The following PLGRKT variants were observed in gnomAD, a reference collection of about 807,000 sequenced individuals.
PLGRKT encodes the protein plasminogen receptor (KT).
A neutral mutation model predicts 18.5 loss-of-function variants in PLGRKT; 22 were observed. The observed-to-expected ratio is 1.19, with a 90% CI of 0.85 to 1.70. The LOEUF is 1.70. Ranked by LOEUF, PLGRKT falls within the 40% of genes most tolerant of loss-of-function variation. The pLI, the probability that PLGRKT is intolerant of heterozygous loss-of-function variation, is 0.00. For missense variants in PLGRKT, 235 were observed against 174.4 expected, an observed-to-expected ratio of 1.35 and a Z score of -1.96; for synonymous variants, 72 against 52.8, an observed-to-expected ratio of 1.36 and a Z score of -1.58.
chr9:5,381,114 C>G (rs1817735966), intron 3 of PLGRKT, among the ~76,000 whole-genome samples: 2 of 152,212 alleles, frequency 1.3e-5, no homozygotes. Context: ...AAACCTCTTT[C>G]CTTTTTAAAT....
At chr9:5,390,430 C>CA (rs930692097) in intron 3 of PLGRKT, among the ~76,000 whole-genome samples, 3 of 151,582 alleles carry the variant, frequency 2.0e-5, no homozygotes, top group African/African-American at 7.3e-5. Context: ...CAGAGAGAGT[C>CA]AAAGAGGCAG....
intron 3 of PLGRKT, among the ~76,000 whole-genome samples, chr9:5,408,482 G>A (rs780113255): frequency 6.6e-6 from 1 of 152,254 alleles, no homozygotes; most frequent in Non-Finnish European, 1.5e-5. Flanking sequence ...AAACATTTGA[G>A]ATGTAGACTG....
chr9:5,397,106 T>C (rs1321395289), intron 3 of PLGRKT, among the ~76,000 whole-genome samples: 1 of 151,974 alleles, frequency 6.6e-6, no homozygotes, highest in East Asian at 1.9e-4. Context: ...AATATTTTAG[T>C]GGTAAGTATG....
rs191451301 is a variant in PLGRKT at position 5,402,988 on chromosome 9, G to C, written c.81+28909C>G. On this transcript the variant is annotated intron_variant, in intron 3 of 5. Coordinates refer to ENST00000223864, the MANE Select transcript of PLGRKT (RefSeq NM_018465.4). The stretch of plus-strand genomic sequence containing the variant: ...GTAAAATAAAGAAACTTATAGAACA[G>C]ACCAAACCCTAGCAGGAAAAATAGT... Among the ~76,000 whole-genome samples, 40 of 151,952 alleles carry C rather than the reference G, an allele frequency of 2.6e-4. No individual in the cohort carries two copies. The East Asian group carries it at 6.8e-3, about 26-fold the overall frequency.
At chr9:5,401,504 G>C (rs1041850567) in intron 3 of PLGRKT, among the ~76,000 whole-genome samples, 19 of 151,854 alleles carry the variant, frequency 1.3e-4, no homozygotes, top group Non-Finnish European at 2.2e-4. Context: ...CTGTAACCCA[G>C]AGAAAGATTA....
At chr9:5,383,048 T>C (rs1430380440) in intron 3 of PLGRKT, among the ~76,000 whole-genome samples, 5 of 152,284 alleles carry the variant, frequency 3.3e-5, no homozygotes, top group African/African-American at 1.2e-4. Context: ...TCACTTTAGA[T>C]CACCCAAGTG....
At position 5,432,487 on chromosome 9, in the gene PLGRKT, C is replaced by T. The variant is rs116744308; in HGVS notation, c.-6-504G>A. Among the ~76,000 whole-genome samples, 823 of 152,118 alleles carry T rather than the reference C, an allele frequency of 5.4e-3. 11 individuals carry two copies. Among genetic ancestry groups the T allele is most frequent in the African/African-American group, 0.019 (800 of 41,488 alleles). On this transcript the variant is annotated intron_variant, in intron 2 of 5. Transcript: ENST00000223864. ...ATTTGCGTTTTAAGAAGATTGAGCT[C>T]TCCCTCTCCCTCCCCCTCCCCCTCC...
At chr9:5,400,645 C>A (rs538617067) in intron 3 of PLGRKT, among the ~76,000 whole-genome samples, 1 of 151,866 alleles carries the variant, frequency 6.6e-6, no homozygotes, top group African/African-American at 2.4e-5. Context: ...TTTGAACCAC[C>A]AGAACATATA....
rs1818497513 is a variant in PLGRKT, at chr9:5,418,036, G to A, written c.81+13861C>T. 6.6e-6 allele frequency among the ~76,000 whole-genome samples: 1 copy of A among 152,188 alleles called. No homozygotes were observed. The highest frequency in any genetic ancestry group is 2.4e-5 in the African/African-American group (1 of 41,450). Reference sequence around the variant, plus strand: ...CGAGAAGATCACATTGTACGCACTTGTGGAGTTTAACGTCTAAGTAGAATA... The same window carrying A: ...CGAGAAGATCACATTGTACGCACTTATGGAGTTTAACGTCTAAGTAGAATA... On this transcript the variant is annotated intron_variant, in intron 3 of 5. Coordinates refer to ENST00000223864, the MANE Select transcript of PLGRKT (RefSeq NM_018465.4). This position sits in a 1 kb window ranked among gnomAD's most constrained non-coding sequence, Gnocchi z 4.2.
intron 3 of PLGRKT, among the ~76,000 whole-genome samples, chr9:5,400,951 G>C (rs1474301885): frequency 6.6e-6 from 1 of 151,842 alleles, no homozygotes; most frequent in Non-Finnish European, 1.5e-5. Context: ...AGGAGAAGTG[G>C]GGTGTTGGGA....
intron 3 of PLGRKT, among the ~76,000 whole-genome samples, chr9:5,371,245 G>A (rs1000167711): frequency 1.3e-5 from 2 of 152,168 alleles, no homozygotes; most frequent in African/African-American, 4.8e-5. Context: ...ATCAGAAGAT[G>A]CCAGTAAGTT....
intron 3 of PLGRKT, among the ~76,000 whole-genome samples, chr9:5,422,980 T>A (rs534338386): frequency 3.3e-5 from 5 of 152,232 alleles, no homozygotes; most frequent in Non-Finnish European, 5.9e-5. Context: ...ATTTTCTTAA[T>A]ATTTGCACGT....
At chr9:5,374,334 A>C (rs1817586448) in intron 3 of PLGRKT, among the ~76,000 whole-genome samples, 1 of 152,134 alleles carries the variant, frequency 6.6e-6, no homozygotes, top group South Asian at 2.1e-4. Context: ...TCTACTTTTT[A>C]TGCTACTGCC....
intron 3 of PLGRKT, among the ~76,000 whole-genome samples, chr9:5,409,156 T>G (rs558780335): frequency 2.6e-5 from 4 of 152,318 alleles, no homozygotes; most frequent in Admixed American, 2.6e-4. Flanking sequence ...TGGGGCACTG[T>G]GATGGTTAAT....
chr9:5,399,603 C>G (rs868139146), intron 3 of PLGRKT, among the ~76,000 whole-genome samples: 2 of 151,952 alleles, frequency 1.3e-5, no homozygotes, highest in South Asian at 2.1e-4. Context: ...TTTAAAATAT[C>G]TAACCTAATA....
intron 3 of PLGRKT, among the ~76,000 whole-genome samples, chr9:5,409,537 T>TTA (rs1818320963): frequency 1.3e-5 from 2 of 152,088 alleles, no homozygotes; most frequent in Admixed American, 1.3e-4. Context: ...AAACTCCCCT[T>TTA]TATATATATA....
At chr9:5,386,935 C>G (rs536762886) in intron 3 of PLGRKT, among the ~76,000 whole-genome samples, 1 of 152,000 alleles carries the variant, frequency 6.6e-6, no homozygotes, top group African/African-American at 2.4e-5. Context: ...TAAGAAACAG[C>G]AAAGTGACCC....
intron 3 of PLGRKT, among the ~76,000 whole-genome samples, chr9:5,362,895 T>A (rs1817298181): frequency 6.6e-6 from 1 of 152,076 alleles, no homozygotes; most frequent in African/African-American, 2.4e-5. Flanking sequence ...TGGCCTTGCT[T>A]CCTGCGGAGA....
At position 5,371,986 on chromosome 9, in the gene PLGRKT, C is replaced by CTTTTTTTTTT. The variant is rs71326158; in HGVS notation, c.82-10108_82-10099dup. Among the ~76,000 whole-genome samples the CTTTTTTTTTT allele has an allele frequency of 7.9e-5, 7 of 89,150 alleles. 1 individual carries two copies. The highest frequency in any genetic ancestry group is 2.8e-4 in the Admixed American group (2 of 7,132). 58.5% of individuals were successfully genotyped at this position (89,150 alleles called of 152,430 possible). A position where few individuals can be genotyped will look rare whatever the true frequency, so the allele number is the denominator to read the frequency against. ...CTGCAAAAAACAATATCAGAAAATC[C>CTTTTTTTTTT]TTTTTTTTTTTTTGATATGGAGTCT... On this transcript the variant is annotated intron_variant, in intron 3 of 5. Coordinates refer to ENST00000223864, the MANE Select transcript of PLGRKT (RefSeq NM_018465.4).
Sources: allele counts gnomAD v4.1 joint callset (sites outside exome capture counted in the v4.1 genomes callset), GRCh38; gene constraint gnomAD v4.1.1; non-coding constraint Gnocchi (gnomAD v3.1); transcripts MANE v1.5; gene names NCBI Gene and HGNC (gene_info 2026-07-23, HGNC 2026-07-21).